The following OLFM2 variants were observed in gnomAD, a reference collection of about 807,000 sequenced individuals.
The protein encoded by OLFM2 is olfactomedin 2, also known as noelin-2.
In OLFM2, 20 loss-of-function variants were observed where a neutral mutation model predicts 43.9. The observed-to-expected ratio is 0.46, with a 90% confidence interval of 0.32 to 0.66. The LOEUF is 0.66. OLFM2 is among the 30% of genes least tolerant of loss of function. The pLI is 0.04. For synonymous variants in OLFM2, 268 were observed against 278.6 expected, an observed-to-expected ratio of 0.96 and a Z score of 0.38; for missense variants, 416 against 643.6, an observed-to-expected ratio of 0.65 and a Z score of 3.83.
intron 1 of OLFM2, among the ~76,000 whole-genome samples, chr19:9,910,791 G>A (rs751144583): frequency 6.6e-6 from 1 of 152,038 alleles, no homozygotes; most frequent in Non-Finnish European, 1.5e-5. Context: ...GAAAAGAGAT[G>A]GGTGGAAGGA....
chr19:9,884,989 A>C (rs1454656606), intron 1 of OLFM2, among the ~76,000 whole-genome samples: 13 of 152,102 alleles, frequency 8.5e-5, no homozygotes, highest in Admixed American at 8.5e-4. Context: ...TTCCTCTCCC[A>C]TCACAGGGTG....
rs774935522 is a variant in OLFM2 at position 9,860,698 on chromosome 19, T to C, written c.160A>G (p.Ser54Gly). 5.0e-6 allele frequency: 8 copies of C among 1,603,682 alleles called. No homozygotes were observed. The highest frequency in any genetic ancestry group is 6.8e-6 in the Non-Finnish European group (8 of 1,175,146). Residue 54 changes from serine to glycine, a missense_variant, in exon 2 of 6, where the codon AGT becomes GGT. Physicochemically the swap from Ser to Gly is moderately conservative, Grantham distance 56. Coordinates refer to ENST00000264833, the MANE Select transcript of OLFM2 (RefSeq NM_058164.4). ...CTCCTGCCATCTCGAGAGCAGGTAC[T>C]CTGCGCTGGGATCACGGCCGTGCAG... Reference protein sequence around the residue: ...CICTAVIPAQSTCSRDGRSRE... With the variant: ...CICTAVIPAQGTCSRDGRSRE...
At chr19:9,927,890 T>C (rs2086462674) in intron 1 of OLFM2, among the ~76,000 whole-genome samples, 1 of 151,460 alleles carries the variant, frequency 6.6e-6, no homozygotes, top group African/African-American at 2.4e-5. Context: ...TGTGAAACCC[T>C]GTCTCTACTA....
intron 1 of OLFM2, among the ~76,000 whole-genome samples, chr19:9,887,363 G>C (rs62104264): frequency 0.21 from 31,260 of 151,566 alleles, 4,035 homozygotes; most frequent in Non-Finnish European, 0.27. Flanking sequence ...ATTTTTAGTA[G>C]AGATGAGGTT....
chr19:9,874,328 C>CTTTTT (rs35985373), intron 1 of OLFM2, among the ~76,000 whole-genome samples: 14 of 120,214 alleles, frequency 1.2e-4, no homozygotes, highest in Admixed American at 1.8e-4. Flanking sequence ...CCCCACTGGC[C>CTTTTT]TTTTTTTTTT....
chr19:9,890,946 C>T (rs1286635860), intron 1 of OLFM2, among the ~76,000 whole-genome samples: 1 of 151,360 alleles, frequency 6.6e-6, no homozygotes, highest in Non-Finnish European at 1.5e-5. Flanking sequence ...GAGCAAAACC[C>T]TGTCTCTGAA....
chr19:9,914,538 C>T (rs1304902613), intron 1 of OLFM2, among the ~76,000 whole-genome samples: 1 of 152,012 alleles, frequency 6.6e-6, no homozygotes, highest in African/African-American at 2.4e-5. Flanking sequence ...CAGTTTCCTA[C>T]CCAGGGACCA....
chr19:9,883,129 G>A (rs1352109027), intron 1 of OLFM2, among the ~76,000 whole-genome samples: 1 of 150,610 alleles, frequency 6.6e-6, no homozygotes, highest in Non-Finnish European at 1.5e-5. Context: ...AGAATCACTT[G>A]AATCCGGGGG....
intron 5 of OLFM2, among the ~76,000 whole-genome samples, chr19:9,855,526 C>G (rs1053787161): frequency 1.8e-4 from 28 of 151,992 alleles, no homozygotes; most frequent in Non-Finnish European, 3.7e-4. Context: ...GCATGAGCCA[C>G]CACGCCTGGC....
At chr19:9,936,258 C>A in intron 1 of OLFM2, 46 bp downstream of exon 1, 1 of 1,524,568 alleles carries the variant, frequency 6.6e-7, no homozygotes, top group South Asian at 1.2e-5. Context: ...CGCCCCCCTC[C>A]TCTCCCGGAG....
intron 1 of OLFM2, among the ~76,000 whole-genome samples, chr19:9,918,354 C>T (rs924103326): frequency 6.6e-6 from 1 of 151,960 alleles, no homozygotes; most frequent in African/African-American, 2.4e-5. Flanking sequence ...CCGTGCCCAG[C>T]TAATTTTTTA....
At position 9,887,591 on chromosome 19, in the gene OLFM2, C is replaced by G. The variant is rs116521682; in HGVS notation, c.64-26797G>C. On this transcript the variant is annotated intron_variant, in intron 1 of 5. Coordinates refer to ENST00000264833, the MANE Select transcript of OLFM2 (RefSeq NM_058164.4). Reference sequence around the variant, plus strand: ...AGCCCCTGGCATTGCTCACCTGAACCAGCAGAGTTCATCCCTTCCATGGTC... The same window carrying G: ...AGCCCCTGGCATTGCTCACCTGAACGAGCAGAGTTCATCCCTTCCATGGTC... Among the ~76,000 whole-genome samples the G allele has an allele frequency of 8.0e-3, 1,213 of 152,248 alleles. 15 individuals are homozygous for G. Among genetic ancestry groups the G allele is most frequent in the African/African-American group, 0.028 (1,146 of 41,550 alleles).
In OLFM2 at chr19:9,857,270, C is replaced by A. The variant is rs751986989; in HGVS notation, c.573G>T (p.Gln191His). ...TCAAGGGCCAAGGCATACCCAGCTT[C>A]TGGGCGCAGGCGTGGAGCCGGGCCT... ...ALEARLHACAQKLGCGKLTGV... is the reference protein window; with the variant it reads ...ALEARLHACAHKLGCGKLTGV... Residue 191 changes from glutamine (Q) to histidine (H), a missense_variant, in exon 4 of 6, where the codon CAG becomes CAT. Coordinates refer to ENST00000264833, the MANE Select transcript of OLFM2 (RefSeq NM_058164.4). The surrounding 1 kb of genome is among the most constrained non-coding windows in gnomAD (Gnocchi z 5.7). 6.2e-7 allele frequency: 1 copy of A among 1,613,894 alleles called. No individual in the cohort carries two copies. The highest frequency in any genetic ancestry group is 1.1e-5 in the South Asian group (1 of 91,080).
At position 9,854,067 on chromosome 19, in the gene OLFM2, G is replaced by A; in HGVS notation, c.*119C>T. On this transcript the variant is annotated 3_prime_UTR_variant, in exon 6 of 6. Coordinates refer to ENST00000264833, the MANE Select transcript of OLFM2 (RefSeq NM_058164.4). This position sits in a 1 kb window ranked among gnomAD's most constrained non-coding sequence, Gnocchi z 9.5. ...GCAGAGAACAAAAGCCCAGCAAAAA[G>A]GCGGGGAGAAAGGGCGTGACAGAGA... 1.2e-6 allele frequency: 1 copy of A among 861,848 alleles called. No individual in the cohort carries two copies. Among genetic ancestry groups the A allele is most frequent in the Non-Finnish European group, 1.8e-6 (1 of 553,200 alleles). 53.4% of individuals were successfully genotyped at this position (861,848 alleles called of 1,614,324 possible). A position where few individuals can be genotyped will look rare whatever the true frequency, so the allele number is the denominator to read the frequency against.
At chr19:9,909,578 G>A (rs554165597) in intron 1 of OLFM2, among the ~76,000 whole-genome samples, 4 of 89,606 alleles carry the variant, frequency 4.5e-5, no homozygotes, top group African/African-American at 1.4e-4. Flanking sequence ...TACGCTCACC[G>A]CCCCACACCA....
intron 1 of OLFM2, chr19:9,913,857 C>A: frequency 5.4e-6 from 1 of 185,122 alleles, no homozygotes; most frequent in Non-Finnish European, 1.0e-5. Context: ...CCGCCCCCTC[C>A]CGCGCCTCCG....
intron 1 of OLFM2, among the ~76,000 whole-genome samples, chr19:9,916,018 G>A (rs1177660505): frequency 6.6e-6 from 1 of 152,192 alleles, no homozygotes; most frequent in Non-Finnish European, 1.5e-5. Context: ...TACTTTACAA[G>A]TGTCTGGGAC....
chr19:9,898,962 C>A (rs1235138969), intron 1 of OLFM2, among the ~76,000 whole-genome samples: 2 of 152,156 alleles, frequency 1.3e-5, no homozygotes, highest in African/African-American at 4.8e-5. Flanking sequence ...CAAGTCCCTC[C>A]ACCCCACGGC....
intron 1 of OLFM2, among the ~76,000 whole-genome samples, chr19:9,900,486 G>A (rs749977818): frequency 3.9e-5 from 6 of 151,944 alleles, no homozygotes; most frequent in Non-Finnish European, 7.4e-5. Context: ...ATCATGATTC[G>A]ACTCAATAAA....
Sources: allele counts gnomAD v4.1 joint callset (sites outside exome capture counted in the v4.1 genomes callset), GRCh38; gene constraint gnomAD v4.1.1; non-coding constraint Gnocchi (gnomAD v3.1); transcripts MANE v1.5; gene names NCBI Gene and HGNC (gene_info 2026-07-23, HGNC 2026-07-21).